TNKS: variants seen among roughly 807,000 people sequenced by gnomAD.
The protein encoded by TNKS is tankyrase.
Under a neutral mutation model 135.8 loss-of-function variants are expected in TNKS, and 72 were observed. The observed-to-expected ratio is 0.53, with a 90% CI of 0.44 to 0.64. The LOEUF (loss-of-function observed/expected upper bound fraction) is 0.64, where lower values mean the gene tolerates loss of function less well. Ranked by LOEUF, TNKS falls within the 30% of genes least tolerant of loss-of-function variation. TNKS has a pLI of 0.00. For synonymous variants in TNKS, 849 were observed against 649.3 expected, an observed-to-expected ratio of 1.31 and a Z score of -4.68; for missense variants, 1,769 against 1,674.0, an observed-to-expected ratio of 1.06 and a Z score of -0.99.
chr8:9,698,608 T>A lies in TNKS; in HGVS notation c.1108-6055T>A, dbSNP rs527574592. On this transcript the variant is annotated intron_variant, in intron 5 of 26. Transcript: ENST00000310430. ...AATTAACACAAATACCTAGTAAAAT[T>A]TCCAAAGCCAGAATGCAAAACCAGG... is the stretch of plus-strand genomic sequence containing the variant. Among the ~76,000 whole-genome samples the A allele has an allele frequency of 5.9e-5, 9 of 152,222 alleles. No individual in the cohort carries two copies. The East Asian group carries it at 1.7e-3, about 30-fold the overall frequency.
At chr8:9,760,045 G>C (rs1296380925) in intron 20 of TNKS, among the ~76,000 whole-genome samples, 1 of 151,096 alleles carries the variant, frequency 6.6e-6, no homozygotes, top group Non-Finnish European at 1.5e-5. Context: ...TTACCACATA[G>C]ATATGAGACC....
intron 25 of TNKS, among the ~76,000 whole-genome samples, chr8:9,769,148 A>G (rs193067059): frequency 2.4e-4 from 37 of 152,244 alleles, no homozygotes; most frequent in Non-Finnish European, 3.8e-4. Context: ...CAGTAACTCA[A>G]TTCTGCCCTT....
At chr8:9,746,842 C>G (rs1022751976) in intron 17 of TNKS, among the ~76,000 whole-genome samples, 2 of 149,868 alleles carry the variant, frequency 1.3e-5, no homozygotes, top group Non-Finnish European at 2.9e-5. Flanking sequence ...AGGTGCCTAC[C>G]TCAGTGAGCC....
chr8:9,609,020 T>C (rs996451834), intron 2 of TNKS, among the ~76,000 whole-genome samples: 1 of 152,224 alleles, frequency 6.6e-6, no homozygotes, highest in African/African-American at 2.4e-5. Context: ...TTTTTCGTTA[T>C]ATTTTTATTT....
rs1417598953 is a variant in TNKS at position 9,570,455 on chromosome 8, TC to T, written c.674-9701del. Among the ~76,000 whole-genome samples the T allele has an allele frequency of 6.6e-5, 10 of 152,250 alleles. No individual in the cohort carries two copies. The East Asian group carries it at 1.9e-3, about 29-fold the overall frequency. On this transcript the variant is annotated intron_variant, in intron 1 of 26. Coordinates refer to ENST00000310430, the MANE Select transcript of TNKS (RefSeq NM_003747.3). Reference sequence around the variant, plus strand: ...GCAGTGGGCTGGGCAGAACCACCAGTCCCTTGCTGGCGTGGTGGACAGAATT... The same window carrying T: ...GCAGTGGGCTGGGCAGAACCACCAGTCCTTGCTGGCGTGGTGGACAGAATT...
chr8:9,603,737 C>T (rs540757391), intron 2 of TNKS, among the ~76,000 whole-genome samples: 32 of 152,212 alleles, frequency 2.1e-4, no homozygotes, highest in African/African-American at 5.8e-4. Flanking sequence ...TGAATGTCAC[C>T]GCTCATTCAG....
intron 23 of TNKS, 142 bp from the exon 24 acceptor site, chr8:9,765,550 C>G (rs761523524): frequency 7.6e-6 from 5 of 661,788 alleles, no homozygotes; most frequent in Non-Finnish European, 1.3e-5. Flanking sequence ...CTGAATTACA[C>G]TGACATGGTA....
intron 3 of TNKS, among the ~76,000 whole-genome samples, chr8:9,661,057 C>G (rs989579404): frequency 6.6e-6 from 1 of 151,692 alleles, no homozygotes; most frequent in African/African-American, 2.4e-5. Flanking sequence ...AGGAGAACTA[C>G]AAACCTCTGC....
chr8:9,769,718 C>G (rs576005268), intron 25 of TNKS, among the ~76,000 whole-genome samples: 1 of 143,334 alleles, frequency 7.0e-6, no homozygotes, highest in Non-Finnish European at 1.5e-5. Context: ...CTCCCGTGTT[C>G]GTGCCATTCT....
chr8:9,760,149 G>A (rs1483891563), intron 20 of TNKS, among the ~76,000 whole-genome samples: 1 of 152,138 alleles, frequency 6.6e-6, no homozygotes, highest in Non-Finnish European at 1.5e-5. Context: ...ATCATGTCTA[G>A]CTAAGAATGT....
chr8:9,773,734 A>T (rs1808073373), intron 26 of TNKS, among the ~76,000 whole-genome samples: 1 of 151,930 alleles, frequency 6.6e-6, no homozygotes, highest in Non-Finnish European at 1.5e-5. Flanking sequence ...GAAAAAAAAA[A>T]TGCCTAAATA....
intron 2 of TNKS, among the ~76,000 whole-genome samples, chr8:9,602,595 A>G (rs995970195): frequency 1.3e-5 from 2 of 152,244 alleles, no homozygotes; most frequent in African/African-American, 4.8e-5. Flanking sequence ...TGGAGCCAGT[A>G]GCCTACACCT....
At chr8:9,676,200 A>G (rs1371292065) in intron 3 of TNKS, among the ~76,000 whole-genome samples, 2 of 151,594 alleles carry the variant, frequency 1.3e-5, no homozygotes, top group African/African-American at 2.4e-5. Flanking sequence ...TTTAGTAGAG[A>G]TGGGGTTTCA....
chr8:9,601,807 A>G (rs57673085), intron 2 of TNKS, among the ~76,000 whole-genome samples: 1 of 152,084 alleles, frequency 6.6e-6, no homozygotes, highest in African/African-American at 2.4e-5. Context: ...ATTTACTACT[A>G]TTATCTTTTC....
intron 17 of TNKS, 64 bp from the exon 18 acceptor site, chr8:9,747,960 A>G (rs1806320187): frequency 1.4e-6 from 2 of 1,467,486 alleles, no homozygotes; most frequent in African/African-American, 1.4e-5. Context: ...AAACAGGTAT[A>G]CACAATGGTG....
intron 3 of TNKS, among the ~76,000 whole-genome samples, chr8:9,630,132 T>C (rs2128771266): frequency 6.6e-6 from 1 of 152,338 alleles, no homozygotes; most frequent in South Asian, 2.1e-4. Context: ...TTTCATTTAC[T>C]TACTGTTTTG....
intron 17 of TNKS, among the ~76,000 whole-genome samples, chr8:9,736,264 TC>T (rs763752343): frequency 1.4e-5 from 2 of 146,922 alleles, no homozygotes; most frequent in South Asian, 4.3e-4. Flanking sequence ...GCGCCTGTAA[TC>T]CCAGCCATTC....
chr8:9,670,348 T>C (rs1471917409), intron 3 of TNKS, among the ~76,000 whole-genome samples: 1 of 152,172 alleles, frequency 6.6e-6, no homozygotes, highest in Non-Finnish European at 1.5e-5. Context: ...GGTGGAGATG[T>C]TCAAATTTAG....
chr8:9,668,249 A>G (rs1029174214), intron 3 of TNKS, among the ~76,000 whole-genome samples: 33 of 152,352 alleles, frequency 2.2e-4, no homozygotes, highest in African/African-American at 7.9e-4. Flanking sequence ...TGTCTGTGTA[A>G]ATAAAAGATT....
Sources: allele counts gnomAD v4.1 joint callset (sites outside exome capture counted in the v4.1 genomes callset), GRCh38; gene constraint gnomAD v4.1.1; transcripts MANE v1.5; gene names NCBI Gene and HGNC (gene_info 2026-07-23, HGNC 2026-07-21).